The following ZNF90 variants were observed in gnomAD, a reference collection of about 807,000 sequenced individuals.
The protein encoded by ZNF90 is zinc finger protein HTF9.
In ZNF90, 11 loss-of-function variants were observed where a neutral mutation model predicts 12.0. The ratio of observed to expected loss-of-function variants is 0.92; its 90% CI spans 0.58 to 1.52. ZNF90 has a LOEUF of 1.52. ZNF90 is among the 40% of genes most tolerant of loss of function. ZNF90 has a pLI of 0.00. For synonymous variants in ZNF90, 232 were observed against 240.1 expected (o/e 0.97, Z 0.31); for missense variants, 765 against 711.5 (o/e 1.08, Z -0.86).
In ZNF90 at chr19:20,090,635, C is replaced by T. The variant is rs376870787; in HGVS notation, c.3+12500C>T. Among the ~76,000 whole-genome samples the T allele has an allele frequency of 5.9e-5, 9 of 152,120 alleles. No homozygotes were observed. In the East Asian group the frequency reaches 9.6e-4, roughly 16 times the overall value. On this transcript the variant is annotated intron_variant, in intron 1 of 3. Transcript: ENST00000418063. ...AGCTAGGTTGTCTTCATATGGCTGG[C>T]GATCTGGAGTAGGTAAGAGAAGATT...
intron 1 of ZNF90, among the ~76,000 whole-genome samples, chr19:20,081,787 T>C (rs989730598): frequency 4.3e-4 from 65 of 150,410 alleles, no homozygotes; most frequent in African/African-American, 1.5e-3. Context: ...TTTTTTGAGA[T>C]GGCGTCTCGC....
chr19:20,117,692 C>G, intron 3 of ZNF90, 89 bp from the exon 4 acceptor site: 1 of 1,411,966 alleles, frequency 7.1e-7, no homozygotes, highest in East Asian at 2.6e-5. Flanking sequence ...TTCATTTTGC[C>G]CAAGATGAGG....
At chr19:20,095,873 C>T (rs1052077875) in intron 1 of ZNF90, among the ~76,000 whole-genome samples, 6 of 151,930 alleles carry the variant, frequency 3.9e-5, no homozygotes, top group South Asian at 2.1e-4. Context: ...CCCAGAAAAG[C>T]GGGACTTGCC....
intron 2 of ZNF90, 118 bp downstream of exon 2, chr19:20,104,483 T>A: frequency 8.5e-7 from 1 of 1,181,586 alleles, no homozygotes; most frequent in East Asian, 2.7e-5. Context: ...ATCCCCCTTT[T>A]CCTGAAAATC....
chr19:20,107,145 AC>A (rs1555704578), intron 3 of ZNF90: 3 of 385,242 alleles, frequency 7.8e-6, no homozygotes, highest in East Asian at 1.4e-4. Context: ...CAGGTAACTG[AC>A]ACTGAGTCAT....
intron 1 of ZNF90, among the ~76,000 whole-genome samples, chr19:20,101,940 C>T (rs2088993366): frequency 6.6e-6 from 1 of 152,158 alleles, no homozygotes; most frequent in Non-Finnish European, 1.5e-5. Context: ...TCAAGGGTCT[C>T]TGAAAAATAT....
intron 1 of ZNF90, among the ~76,000 whole-genome samples, chr19:20,101,681 C>T (rs1184374154): frequency 6.6e-6 from 1 of 152,092 alleles, no homozygotes; most frequent in African/African-American, 2.4e-5. Context: ...GGCACTGACA[C>T]CTTTAAAGGC....
rs782545723 is a variant in ZNF90 at position 20,105,298 on chromosome 19, A to T, written c.208A>T (p.Met70Leu). ...KKPFTVKRHE[M>L]IAKSPVMCFH... is the part of the protein sequence containing the mutation. The stretch of plus-strand genomic sequence containing the variant: ...ACCCTTCACTGTGAAGAGACATGAG[A>T]TGATTGCCAAATCCCCAGGTAGGTG... Residue 70 changes from methionine (M) to leucine (L), a missense_variant, in exon 3 of 4, where the codon ATG becomes TTG. Transcript: ENST00000418063. 56 of 1,607,086 alleles carry T rather than the reference A, an allele frequency of 3.5e-5. No individual in the cohort carries two copies. The highest frequency in any genetic ancestry group is 4.8e-5 in the Non-Finnish European group (56 of 1,176,132).
chr19:20,103,071 T>C (rs2089002845), intron 1 of ZNF90, among the ~76,000 whole-genome samples: 1 of 152,138 alleles, frequency 6.6e-6, no homozygotes, highest in Non-Finnish European at 1.5e-5. Context: ...ACTCAATCCT[T>C]TGAGTCCTTT....
At chr19:20,080,974 C>T (rs964396503) in intron 1 of ZNF90, among the ~76,000 whole-genome samples, 1 of 152,200 alleles carries the variant, frequency 6.6e-6, no homozygotes, top group Non-Finnish European at 1.5e-5. Flanking sequence ...TGTACACAGG[C>T]TGTCACACTG....
intron 1 of ZNF90, among the ~76,000 whole-genome samples, chr19:20,078,557 C>T (rs2088795591): frequency 6.6e-6 from 1 of 152,104 alleles, no homozygotes; most frequent in Non-Finnish European, 1.5e-5. Flanking sequence ...CCTGTAATCC[C>T]AGCATTTTGG....
chr19:20,083,775 G>T (rs868937106), intron 1 of ZNF90, among the ~76,000 whole-genome samples: 5 of 152,128 alleles, frequency 3.3e-5, no homozygotes, highest in East Asian at 3.9e-4. Context: ...TGGAGACAGG[G>T]TCTTACTTAT....
intron 1 of ZNF90, among the ~76,000 whole-genome samples, chr19:20,089,601 C>A (rs1555702523): frequency 8.6e-5 from 13 of 152,000 alleles, no homozygotes. Context: ...GTGAGAGGTC[C>A]AAATAGGGGG....
intron 1 of ZNF90, chr19:20,086,877 A>T (rs2088863637): frequency 6.6e-6 from 1 of 152,328 alleles, no homozygotes; most frequent in Admixed American, 6.5e-5. Flanking sequence ...ATTTCACTAA[A>T]TTGGTATGCT....
intron 1 of ZNF90, among the ~76,000 whole-genome samples, chr19:20,078,864 T>A (rs979037475): frequency 6.6e-6 from 1 of 152,156 alleles, no homozygotes; most frequent in African/African-American, 2.4e-5. Flanking sequence ...GGCTCCTGCC[T>A]GTAATTTCAG....
intron 3 of ZNF90, among the ~76,000 whole-genome samples, chr19:20,106,643 C>T (rs1217945155): frequency 1.3e-5 from 2 of 152,298 alleles, no homozygotes; most frequent in East Asian, 3.9e-4. Context: ...TTAGTAGACA[C>T]GGGGTTTCAC....
At chr19:20,093,969 G>A (rs1283483755) in intron 1 of ZNF90, among the ~76,000 whole-genome samples, 3 of 152,196 alleles carry the variant, frequency 2.0e-5, no homozygotes, top group African/African-American at 7.2e-5. Context: ...GTGGCTGCCG[G>A]GTGAGCTGGG....
intron 3 of ZNF90, among the ~76,000 whole-genome samples, chr19:20,110,802 T>C (rs537602546): frequency 6.6e-6 from 1 of 152,330 alleles, no homozygotes; most frequent in African/African-American, 2.4e-5. Flanking sequence ...TTTTGTGCCC[T>C]TTCAAATGCT....
rs1238752019 is a variant in ZNF90, at chr19:20,120,324, A to G, written c.*964A>G. ...ATCTTTCAGAAAATAGAAGCCTTTA[A>G]AGTGAAGAAGAGTATTCTGAAGACA... On this transcript the variant is annotated 3_prime_UTR_variant, in exon 4 of 4. Coordinates refer to ENST00000418063, the MANE Select transcript of ZNF90 (RefSeq NM_007138.2). Among the ~76,000 whole-genome samples, 4 of 152,362 alleles carry G rather than the reference A, an allele frequency of 2.6e-5. No individual in the cohort carries two copies. The East Asian group carries it at 7.7e-4, about 29-fold the overall frequency.
Sources: allele counts gnomAD v4.1 joint callset (sites outside exome capture counted in the v4.1 genomes callset), GRCh38; gene constraint gnomAD v4.1.1; transcripts MANE v1.5; gene names NCBI Gene and HGNC (gene_info 2026-07-23, HGNC 2026-07-21).